LRBA: variants seen among roughly 807,000 people sequenced by gnomAD.
The protein encoded by LRBA is lipopolysaccharide-responsive and beige-like anchor protein.
In LRBA, 176 loss-of-function variants were observed where a neutral mutation model predicts 330.0. The observed-to-expected ratio is 0.53, with a 90% confidence interval of 0.47 to 0.60. LRBA has a LOEUF of 0.60. LRBA is among the 20% of genes least tolerant of loss of function. The probability of loss-of-function intolerance (pLI) is 0.00; values close to 1 mark genes in which losing one functional copy is unlikely to be tolerated. For synonymous variants in LRBA, 1,230 were observed against 1,193.0 expected (o/e 1.03, Z -0.64); for missense variants, 3,259 against 3,444.8 (o/e 0.95, Z 1.35).
At chr4:150,627,850 A>G (rs1017434153) in intron 37 of LRBA, among the ~76,000 whole-genome samples, 1 of 152,078 alleles carries the variant, frequency 6.6e-6, no homozygotes, top group African/African-American at 2.4e-5. Flanking sequence ...TTCAGTTAAA[A>G]ATATGTTTCC....
At chr4:150,412,385 A>C (rs894409416) in intron 47 of LRBA, among the ~76,000 whole-genome samples, 1 of 152,220 alleles carries the variant, frequency 6.6e-6, no homozygotes, top group African/African-American at 2.4e-5. Flanking sequence ...CCAAGTTTAG[A>C]GCGTGGGTAG....
At chr4:150,759,161 C>T (rs1041469670) in intron 35 of LRBA, among the ~76,000 whole-genome samples, 7 of 152,144 alleles carry the variant, frequency 4.6e-5, no homozygotes, top group African/African-American at 1.7e-4. Context: ...AACAAGTCAC[C>T]CACCTCAGCC....
intron 2 of LRBA, among the ~76,000 whole-genome samples, chr4:150,947,370 G>A (rs1736357256): frequency 6.6e-6 from 1 of 151,882 alleles, no homozygotes; most frequent in African/African-American, 2.4e-5. Flanking sequence ...ATGCAACACT[G>A]TTTTAATATT....
intron 40 of LRBA, among the ~76,000 whole-genome samples, chr4:150,556,482 A>G (rs1767329223): frequency 6.6e-6 from 1 of 152,210 alleles, no homozygotes; most frequent in African/African-American, 2.4e-5. Context: ...CAGATAATCA[A>G]AAGTGTTTGT....
At chr4:150,516,854 C>T (rs920599695) in intron 40 of LRBA, among the ~76,000 whole-genome samples, 1 of 152,128 alleles carries the variant, frequency 6.6e-6, no homozygotes, top group Non-Finnish European at 1.5e-5. Context: ...TTTGACCCAA[C>T]AAGCTTTTGG....
chr4:150,544,591 C>T (rs1319214316), intron 40 of LRBA, among the ~76,000 whole-genome samples: 1 of 152,154 alleles, frequency 6.6e-6, no homozygotes, highest in African/African-American at 2.4e-5. Flanking sequence ...CCATGCTACT[C>T]CACACTTCCT....
intron 38 of LRBA, among the ~76,000 whole-genome samples, chr4:150,591,795 CA>C (rs1416684987): frequency 1.3e-5 from 2 of 152,042 alleles, no homozygotes; most frequent in African/African-American, 4.8e-5. Flanking sequence ...CCCTGCAGAG[CA>C]CCTACACTCA....
chr4:150,991,176 G>C (rs1055108977), intron 2 of LRBA, among the ~76,000 whole-genome samples: 3 of 151,982 alleles, frequency 2.0e-5, no homozygotes, highest in African/African-American at 7.2e-5. Flanking sequence ...AAACTTACTA[G>C]AATGACTAAA....
At chr4:151,007,347 A>G (rs2149666158) in intron 2 of LRBA, among the ~76,000 whole-genome samples, 1 of 152,060 alleles carries the variant, frequency 6.6e-6, no homozygotes. Context: ...TAAAAAATAC[A>G]AAATAAAACT....
chr4:150,662,990 AC>A (rs1026047221), intron 37 of LRBA, among the ~76,000 whole-genome samples: 23 of 152,130 alleles, frequency 1.5e-4, no homozygotes, highest in African/African-American at 5.3e-4. Flanking sequence ...ACAAAAAAAA[AC>A]AGATAAAATC....
At chr4:150,569,488 G>A (rs1410938531) in intron 40 of LRBA, among the ~76,000 whole-genome samples, 2 of 152,130 alleles carry the variant, frequency 1.3e-5, no homozygotes, top group South Asian at 2.1e-4. Context: ...GCTTGCGTAA[G>A]TCACAACTGA....
At chr4:150,983,976 A>G (rs1346833527) in intron 2 of LRBA, among the ~76,000 whole-genome samples, 2 of 152,178 alleles carry the variant, frequency 1.3e-5, no homozygotes, top group African/African-American at 2.4e-5. Flanking sequence ...CTATGATGCC[A>G]GGCTGTTTCC....
intron 36 of LRBA, among the ~76,000 whole-genome samples, chr4:150,708,923 C>T (rs992045816): frequency 2.0e-5 from 3 of 151,608 alleles, no homozygotes; most frequent in Non-Finnish European, 4.4e-5. Context: ...AGTCATAATC[C>T]CTTTCCTTTA....
At chr4:150,489,265 A>AACATATAATATATTATATATACGT in intron 41 of LRBA, among the ~76,000 whole-genome samples, 1 of 34,452 alleles carries the variant, frequency 2.9e-5, no homozygotes, top group South Asian at 3.7e-3. Context: ...TATATATAAG[A>AACATATAATATATTATATATACGT]ATATATAATA....
At chr4:150,997,861 G>A (rs559244214) in intron 2 of LRBA, among the ~76,000 whole-genome samples, 5 of 151,602 alleles carry the variant, frequency 3.3e-5, no homozygotes, top group East Asian at 2.0e-4. Flanking sequence ...ACACCACCAC[G>A]CCCAGTTAAT....
At chr4:150,448,663 A>G (rs539949207) in intron 44 of LRBA, among the ~76,000 whole-genome samples, 1 of 152,066 alleles carries the variant, frequency 6.6e-6, no homozygotes, top group East Asian at 1.9e-4. Flanking sequence ...TTAGCCAGGC[A>G]TGGTGGCAGG....
At chr4:150,884,003 A>G (rs1728679940) in intron 17 of LRBA, among the ~76,000 whole-genome samples, 1 of 152,052 alleles carries the variant, frequency 6.6e-6, no homozygotes. Flanking sequence ...TTTATTGTTG[A>G]GAAATTGCTA....
intron 47 of LRBA, among the ~76,000 whole-genome samples, chr4:150,386,613 C>T (rs759094280): frequency 8.5e-5 from 13 of 152,124 alleles, no homozygotes; most frequent in Non-Finnish European, 1.6e-4. Flanking sequence ...TTTTTTATGG[C>T]TGCATACTAT....
chr4:150,883,692 A>G (rs72961891), intron 17 of LRBA, among the ~76,000 whole-genome samples: 4,673 of 152,352 alleles, frequency 0.031, 193 homozygotes, highest in African/African-American at 0.1. Flanking sequence ...GGAACTATCC[A>G]TCATTCAAAA....
Sources: allele counts gnomAD v4.1 joint callset (sites outside exome capture counted in the v4.1 genomes callset), GRCh38; gene constraint gnomAD v4.1.1; transcripts MANE v1.5; gene names NCBI Gene and HGNC (gene_info 2026-07-23, HGNC 2026-07-21).